Variants in PKD1 observed in about 807,000 individuals in gnomAD.
PKD1 encodes the protein polycystin-1.
A neutral mutation model predicts 361.7 loss-of-function variants in PKD1; 81 were observed. That is an observed-to-expected ratio of 0.22 (90% CI 0.19 to 0.27). PKD1 has a LOEUF of 0.27. Among genes scored for constraint, PKD1 ranks in the 10% least tolerant of loss-of-function variants. The pLI, the probability that PKD1 is intolerant of heterozygous loss-of-function variation, is 1.00. For missense variants in PKD1, 6,399 were observed against 6,118.3 expected (o/e 1.05, Z -1.53); for synonymous variants, 3,615 against 2,818.3 (o/e 1.28, Z -8.95).
In PKD1 at chr16:2,097,194, C is replaced by A. The variant is rs2091883615; in HGVS notation, c.10453G>T (p.Ala3485Ser). 7 of 1,563,066 alleles carry A rather than the reference C, an allele frequency of 4.5e-6. No homozygotes were observed. The highest frequency in any genetic ancestry group is 1.9e-5 in the Admixed American group (1 of 52,486). Residue 3485 changes from alanine (A) to serine (S), a missense_variant, in exon 34 of 46, where the codon GCC (alanine) becomes TCC (serine). Ala to Ser is a moderately conservative substitution (Grantham distance 99). Coordinates refer to ENST00000262304, the MANE Select transcript of PKD1 (RefSeq NM_001009944.3). Reference sequence around the variant, plus strand: ...TCCATGTGGGTGTCTTGGGTAGGGGCTGGGCTGCTGACCCCCTCGGCAAGG... The same window carrying A: ...TCCATGTGGGTGTCTTGGGTAGGGGATGGGCTGCTGACCCCCTCGGCAAGG... ...QVLAEGVSSP[A>S]PTQDTHMETD...
At chr16:2,107,473 A>C (rs1365189305) in intron 16 of PKD1, 1 of 369,358 alleles carries the variant, frequency 2.7e-6, no homozygotes, top group African/African-American at 2.1e-5. Context: ...GCCCCGCCTG[A>C]CAGCAGCAGG....
intron 1 of PKD1, among the ~76,000 whole-genome samples, chr16:2,127,865 C>A (rs1335188400): frequency 1.4e-5 from 2 of 145,234 alleles, no homozygotes; most frequent in African/African-American, 5.1e-5. Flanking sequence ...TGAAACTGAA[C>A]AGGAAACTAG....
intron 1 of PKD1, among the ~76,000 whole-genome samples, chr16:2,122,652 C>T (rs952169918): frequency 6.6e-6 from 1 of 152,316 alleles, no homozygotes. Flanking sequence ...GCACCATGCC[C>T]GAGGGGGAAC....
Position 2,118,651 on chromosome 16 carries a change from G to A in PKD1, c.529+25C>T. 1 of 1,323,244 alleles carries A rather than the reference G, an allele frequency of 7.6e-7. No individual in the cohort carries two copies. The highest frequency in any genetic ancestry group is 1.0e-6 in the Non-Finnish European group (1 of 953,310). 82.0% of individuals were successfully genotyped at this position (1,323,244 alleles called of 1,614,324 possible). A position where few individuals can be genotyped will look rare whatever the true frequency, so the allele number is the denominator to read the frequency against. On this transcript the variant is annotated intron_variant, in intron 4 of 45. Coordinates refer to ENST00000262304, the MANE Select transcript of PKD1 (RefSeq NM_001009944.3). The surrounding 1 kb of genome is among the most constrained non-coding windows in gnomAD (Gnocchi z 6.0). ...GTCCCACCTGGCTGGGAAGGACAGA[G>A]CTGGCCCCACCCACCGGCACTCACC...
At position 2,118,080 on chromosome 16, in the gene PKD1, G is replaced by C; in HGVS notation, c.912C>G (p.Arg304=). The change falls in exon 5 of 46, where the codon CGC becomes CGG. Residue 304 remains arginine (R), a synonymous_variant. Coordinates refer to ENST00000262304, the MANE Select transcript of PKD1 (RefSeq NM_001009944.3). The surrounding 1 kb of genome is among the most constrained non-coding windows in gnomAD (Gnocchi z 6.0). Reference sequence around the variant, plus strand: ...CGGCGGAGCCGTCTCCGAAGTCCCAGCGTGTGGCAGTGACAGGGAGCGGGG... The same window carrying C: ...CGGCGGAGCCGTCTCCGAAGTCCCACCGTGTGGCAGTGACAGGGAGCGGGG... ...IAAPLPVTAT[R]WDFGDGSAEV... The C allele has an allele frequency of 6.2e-7, 1 of 1,606,982 alleles. No homozygotes were observed. Among genetic ancestry groups the C allele is most frequent in the Non-Finnish European group, 8.5e-7 (1 of 1,179,276 alleles).
At position 2,106,764 on chromosome 16, in the gene PKD1, G is replaced by A. The variant is rs1275853319; in HGVS notation, c.7209+41C>T. ...TGCAGGCCCCGTCCCCTCGGCCATG[G>A]GACCCATCCCCAGCCCGCCCACACC... On this transcript the variant is annotated intron_variant, in intron 17 of 45. Transcript: ENST00000262304. The surrounding 1 kb of genome is among the most constrained non-coding windows in gnomAD (Gnocchi z 6.5). 1 of 1,504,226 alleles carries A rather than the reference G, an allele frequency of 6.6e-7. No individual in the cohort carries two copies. The highest frequency in any genetic ancestry group is 1.7e-5 in the Admixed American group (1 of 58,786). 93.2% of individuals were successfully genotyped at this position (1,504,226 alleles called of 1,614,324 possible). A position where few individuals can be genotyped will look rare whatever the true frequency, so the allele number is the denominator to read the frequency against.
In PKD1 at chr16:2,106,041, G is replaced by A. The variant is rs774075560; in HGVS notation, c.7704-17C>T. The A allele has an allele frequency of 1.7e-5, 27 of 1,606,896 alleles. No homozygotes were observed. Among genetic ancestry groups the A allele is most frequent in the South Asian group, 3.3e-5 (3 of 90,988 alleles). On this transcript the variant is annotated splice_polypyrimidine_tract_variant and intron_variant, in intron 19 of 45. Coordinates refer to ENST00000262304, the MANE Select transcript of PKD1 (RefSeq NM_001009944.3). This position sits in a 1 kb window ranked among gnomAD's most constrained non-coding sequence, Gnocchi z 6.5. ...GCCAAAGACCTACGAGCAGAGGGGG[G>A]TGGTGAGCAGGTGGCAGTCTCGGGG...
Position 2,089,744 on chromosome 16 carries a change from G to T in PKD1, c.12895C>A (p.His4299Asn). The T allele has an allele frequency of 6.3e-7, 1 of 1,587,372 alleles. No homozygotes were observed. The highest frequency in any genetic ancestry group is 1.1e-5 in the South Asian group (1 of 87,430). Residue 4299 changes from histidine to asparagine, a missense_variant, in exon 46 of 46, where the codon CAC (histidine) becomes AAC (asparagine). Physicochemically the swap from His to Asn is moderately conservative, Grantham distance 68. Transcript: ENST00000262304. ...RTPLRAKNKV[H>N]PSST is the part of the protein sequence containing the mutation. ...AAGGAGGACTAAGTGCTGCTGGGGT[G>T]GACCTTGTTCTTGGCCCGAAGGGGT...
At chr16:2,120,045 C>T in intron 1 of PKD1, 1 of 589,822 alleles carries the variant, frequency 1.7e-6, no homozygotes, top group South Asian at 2.0e-5. Context: ...GACCCCGTAT[C>T]TACAAAAAAT....
At chr16:2,134,096 G>A (rs1298490823) in intron 1 of PKD1, among the ~76,000 whole-genome samples, 4 of 138,538 alleles carry the variant, frequency 2.9e-5, no homozygotes, top group Admixed American at 1.4e-4. Context: ...CACAAACAAC[G>A]GGTGGGGTAG....
intron 1 of PKD1, among the ~76,000 whole-genome samples, chr16:2,128,673 G>A (rs1239902127): frequency 1.3e-5 from 2 of 152,216 alleles, no homozygotes; most frequent in Non-Finnish European, 2.9e-5. Flanking sequence ...GGAGCCCGGC[G>A]TGGCCACCGC....
chr16:2,108,302 C>T lies in PKD1; in HGVS notation c.6865G>A (p.Gly2289Ser), dbSNP rs371216568. 24 of 1,602,082 alleles carry T rather than the reference C, an allele frequency of 1.5e-5. No individual in the cohort carries two copies. The South Asian group carries it at 1.8e-4, about 12-fold the overall frequency. The change falls in exon 15 of 46, where the codon GGC becomes AGC. Residue 2289 changes from glycine (G) to serine (S), a missense_variant. Gly to Ser is a moderately conservative substitution (Grantham distance 56). Coordinates refer to ENST00000262304, the MANE Select transcript of PKD1 (RefSeq NM_001009944.3). ...TGGAAACTGAGCGGCGTCTGGTCGCCGTCCTCCAGGTTGGGGTCGTAGGAC... is the reference window on the plus strand; with the variant it reads ...TGGAAACTGAGCGGCGTCTGGTCGCTGTCCTCCAGGTTGGGGTCGTAGGAC... ...SESYDPNLED[G>S]DQTPLSFHWA...
At chr16:2,119,887 G>A in intron 1 of PKD1, 1 of 700,464 alleles carries the variant, frequency 1.4e-6, no homozygotes, top group South Asian at 1.5e-5. Context: ...AGGGGAGCAG[G>A]CGCCACCTCG....
intron 11 of PKD1, among the ~76,000 whole-genome samples, chr16:2,113,539 G>A (rs1361835882): frequency 2.0e-5 from 3 of 152,130 alleles, no homozygotes; most frequent in African/African-American, 4.8e-5. Context: ...CATCTGTAAA[G>A]CAAACCTAGT....
At position 2,110,368 on chromosome 16, in the gene PKD1, G is replaced by C. The variant is rs766363842; in HGVS notation, c.4799C>G (p.Thr1600Ser). The C allele has an allele frequency of 1.2e-6, 2 of 1,612,500 alleles. No homozygotes were observed. The highest frequency in any genetic ancestry group is 3.3e-5 in the Admixed American group (2 of 60,000). ...ATTGAAGGTGCCCACGGAGCGGAAG[G>C]TGTAAGAGATGGTAGGACCCCCAGG... The part of the protein sequence containing the change: ...PIPGGPTISY[T>S]FRSVGTFNII... The change falls in exon 15 of 46, where the codon ACC becomes AGC. Residue 1600 changes from threonine to serine, a missense_variant. Transcript: ENST00000262304.
rs776926810 is a variant in PKD1 at position 2,106,260 on chromosome 16, G to C, written c.7534C>G (p.Leu2512Val). 1 of 1,610,278 alleles carries C rather than the reference G, an allele frequency of 6.2e-7. No individual in the cohort carries two copies. Among genetic ancestry groups the C allele is most frequent in the African/African-American group, 1.3e-5 (1 of 74,974 alleles). ...EDAGAPLVYA[L>V]LLRRCRQGHC... is the part of the protein sequence containing the mutation. Reference sequence around the variant, plus strand: ...CCCTGGCGACAGCGCCGCAGCAGCAGGGCGTACACCAGCGGGGCGCCAGCA... The same window carrying C: ...CCCTGGCGACAGCGCCGCAGCAGCACGGCGTACACCAGCGGGGCGCCAGCA... Residue 2512 changes from leucine to valine, a missense_variant, in exon 19 of 46, where the codon CTG becomes GTG. Transcript: ENST00000262304. The surrounding 1 kb of genome is among the most constrained non-coding windows in gnomAD (Gnocchi z 6.5).
rs982882410 is a variant in PKD1, at chr16:2,109,932, G to A, written c.5235C>T (p.Gly1745=). ...AGGACCAAGTGTATACGACACCACT[G>A]CCACCAGCCAGCTCGGCACTGAGGG... The part of the protein sequence containing the change: ...SVTLSAELAG[G]SGVVYTWSLE... Residue 1745 remains glycine, a synonymous_variant, in exon 15 of 46, where the codon GGC becomes GGT. Coordinates refer to ENST00000262304, the MANE Select transcript of PKD1 (RefSeq NM_001009944.3). 3.7e-6 allele frequency: 6 copies of A among 1,610,376 alleles called. No individual in the cohort carries two copies. The African/African-American group carries it at 5.3e-5, about 14-fold the overall frequency.
At chr16:2,125,980 G>A (rs1465922941) in intron 1 of PKD1, among the ~76,000 whole-genome samples, 2 of 151,568 alleles carry the variant, frequency 1.3e-5, no homozygotes, top group Non-Finnish European at 2.9e-5. Context: ...GTCAATGGAG[G>A]AAGCCAAGGT....
rs2092176653 is a variant in PKD1, at chr16:2,103,256, C to T, written c.8791+10G>A. The T allele has an allele frequency of 1.2e-6, 2 of 1,609,542 alleles. No homozygotes were observed. Among genetic ancestry groups the T allele is most frequent in the East Asian group, 4.5e-5 (2 of 44,870 alleles). On this transcript the variant is annotated intron_variant, in intron 23 of 45. Transcript: ENST00000262304. ...CAGGGGGCCGCGTGTGCCCCACCCGCTGCACGCACCGTCCAGCAGCGTATA... is the reference window on the plus strand; with the variant it reads ...CAGGGGGCCGCGTGTGCCCCACCCGTTGCACGCACCGTCCAGCAGCGTATA...
Sources: gnomAD v4.1 joint callset for allele counts (sites outside exome capture counted in the v4.1 genomes callset) on GRCh38, gnomAD v4.1.1 for gene constraint, Gnocchi (gnomAD v3.1) non-coding constraint, MANE v1.5 for transcripts, NCBI Gene and HGNC (gene_info 2026-07-23, HGNC 2026-07-21) for gene names.